Variants in DENND1A observed in about 807,000 individuals in gnomAD.
DENND1A encodes the protein DENN domain-containing protein 1A.
A neutral mutation model predicts 113.7 loss-of-function variants in DENND1A; 51 were observed. The observed-to-expected ratio is 0.45, with a 90% CI of 0.36 to 0.57. The LOEUF (loss-of-function observed/expected upper bound fraction) is 0.57, where lower values mean the gene tolerates loss of function less well. Ranked by LOEUF, DENND1A falls within the 20% of genes least tolerant of loss-of-function variation. The probability of loss-of-function intolerance (pLI) is 0.00; values close to 1 mark genes in which losing one functional copy is unlikely to be tolerated. For missense variants in DENND1A, 1,258 were observed against 1,395.9 expected, an observed-to-expected ratio of 0.90 and a Z score of 1.57; for synonymous variants, 565 against 570.8, an observed-to-expected ratio of 0.99 and a Z score of 0.14.
At chr9:123,703,484 A>C (rs916936064) in intron 5 of DENND1A, among the ~76,000 whole-genome samples, 2 of 152,174 alleles carry the variant, frequency 1.3e-5, no homozygotes, top group Non-Finnish European at 2.9e-5. Context: ...AAAGCAAAAA[A>C]CTATAATAGA....
At chr9:123,614,447 A>C (rs1468036162) in intron 10 of DENND1A, among the ~76,000 whole-genome samples, 2 of 152,230 alleles carry the variant, frequency 1.3e-5, no homozygotes, top group African/African-American at 4.8e-5. Context: ...ACGATCCTGT[A>C]GTCCTTGTTC....
Position 123,477,543 on chromosome 9 carries a change from T to A in DENND1A, c.994-19646A>T, listed in dbSNP as rs62579170. Among the ~76,000 whole-genome samples, 905 of 151,640 alleles carry A rather than the reference T, an allele frequency of 6.0e-3. 3 individuals are homozygous for A. The highest frequency in any genetic ancestry group is 9.9e-3 in the Non-Finnish European group (671 of 67,884). ...CTGCACTCCACCAGCCTGGGTGACG[T>A]AACATGGACACAGTGAGGGGAACAA... On this transcript the variant is annotated intron_variant, in intron 13 of 23. Coordinates refer to ENST00000394215, the MANE Select transcript of DENND1A (RefSeq NM_001352964.2).
intron 18 of DENND1A, among the ~76,000 whole-genome samples, chr9:123,450,185 G>T (rs1348260614): frequency 1.3e-5 from 2 of 152,142 alleles, no homozygotes; most frequent in Non-Finnish European, 1.5e-5. Context: ...GCGCCCACTG[G>T]GTTCTGCTCA....
intron 9 of DENND1A, among the ~76,000 whole-genome samples, chr9:123,650,684 A>T (rs1337316844): frequency 1.3e-5 from 2 of 152,170 alleles, no homozygotes; most frequent in Non-Finnish European, 2.9e-5. Flanking sequence ...AGGTGGGTGG[A>T]TCACTTGAGG....
At chr9:123,610,569 G>A (rs982887069) in intron 10 of DENND1A, among the ~76,000 whole-genome samples, 1 of 152,208 alleles carries the variant, frequency 6.6e-6, no homozygotes, top group Admixed American at 6.5e-5. Flanking sequence ...AGGAGGTCAA[G>A]GGATAGCGAG....
chr9:123,391,005 G>GCTTTGCTAAATCCAACT, intron 21 of DENND1A, among the ~76,000 whole-genome samples: 1 of 152,390 alleles, frequency 6.6e-6, no homozygotes, highest in East Asian at 1.9e-4. Flanking sequence ...TCTGCGCTGG[G>GCTTTGCTAAATCCAACT]CTGTGCCCTG....
chr9:123,814,472 C>T (rs556026064), intron 2 of DENND1A, among the ~76,000 whole-genome samples: 2 of 152,060 alleles, frequency 1.3e-5, no homozygotes, highest in Admixed American at 1.3e-4. Context: ...TACTTAAAAA[C>T]AAACTCAATG....
At chr9:123,742,262 G>C (rs558446447) in intron 5 of DENND1A, among the ~76,000 whole-genome samples, 1 of 151,752 alleles carries the variant, frequency 6.6e-6, no homozygotes, top group Admixed American at 6.6e-5. Flanking sequence ...GCTATGCTTA[G>C]ATTGGAGCTG....
intron 5 of DENND1A, among the ~76,000 whole-genome samples, chr9:123,726,633 T>A (rs1305691584): frequency 2.0e-5 from 3 of 152,222 alleles, no homozygotes; most frequent in East Asian, 1.9e-4. Flanking sequence ...AGTGTGAAAT[T>A]TGCTCCCTGG....
intron 13 of DENND1A, among the ~76,000 whole-genome samples, chr9:123,550,225 A>G (rs1014676820): frequency 6.6e-6 from 1 of 152,258 alleles, no homozygotes; most frequent in Admixed American, 6.5e-5. Context: ...GGATGAACTA[A>G]GCAAGTGGGA....
chr9:123,571,976 T>C (rs966822027), intron 12 of DENND1A, among the ~76,000 whole-genome samples: 2 of 152,240 alleles, frequency 1.3e-5, no homozygotes, highest in Non-Finnish European at 2.9e-5. Context: ...GTGTTGCCAG[T>C]GTTTAAATAA....
At chr9:123,503,437 C>T (rs1233040708) in intron 13 of DENND1A, among the ~76,000 whole-genome samples, 3 of 152,202 alleles carry the variant, frequency 2.0e-5, no homozygotes, top group Non-Finnish European at 2.9e-5. Flanking sequence ...CTTCTGCCTG[C>T]AACCTCTTAA....
rs1291871816 is a variant in DENND1A at position 123,903,355 on chromosome 9, A to G, written c.18-24334T>C. On this transcript the variant is annotated intron_variant, in intron 1 of 23. Coordinates refer to ENST00000394215, the MANE Select transcript of DENND1A (RefSeq NM_001352964.2). ...TCAAAAAAAAAAAAAAAAAAAAAAA[A>G]AAACTGGAAAAAAAGAAGATGGCCG... 3.3e-5 allele frequency among the ~76,000 whole-genome samples: 5 copies of G among 150,234 alleles called. No homozygotes were observed. In the South Asian group the frequency reaches 1.0e-3, roughly 31 times the overall value.
chr9:123,654,143 G>A (rs892693979), intron 8 of DENND1A, among the ~76,000 whole-genome samples: 2 of 152,186 alleles, frequency 1.3e-5, no homozygotes, highest in Admixed American at 6.5e-5. Flanking sequence ...CAGAGCTAAT[G>A]ATGTAAGGGT....
chr9:123,894,969 A>C (rs1005130062), intron 1 of DENND1A, among the ~76,000 whole-genome samples: 4 of 152,148 alleles, frequency 2.6e-5, no homozygotes, highest in Non-Finnish European at 1.5e-5. Context: ...TGCTGAGCAA[A>C]GTACAGAGGT....
chr9:123,736,196 G>A (rs1183898915), intron 5 of DENND1A, among the ~76,000 whole-genome samples: 1 of 152,198 alleles, frequency 6.6e-6, no homozygotes, highest in Admixed American at 6.5e-5. Flanking sequence ...TCAAGTCAGT[G>A]TATGAGAACA....
At chr9:123,438,335 A>C (rs1029975655) in intron 19 of DENND1A, among the ~76,000 whole-genome samples, 1 of 152,208 alleles carries the variant, frequency 6.6e-6, no homozygotes, top group Admixed American at 6.5e-5. Flanking sequence ...CTAATGAAGA[A>C]GGGGCCGGCA....
At chr9:123,877,733 G>C (rs1847715069) in intron 2 of DENND1A, among the ~76,000 whole-genome samples, 2 of 149,332 alleles carry the variant, frequency 1.3e-5, no homozygotes, top group South Asian at 4.2e-4. Flanking sequence ...TGAGGCAGGA[G>C]AACTACTTGA....
At chr9:123,499,437 T>C (rs916733686) in intron 13 of DENND1A, among the ~76,000 whole-genome samples, 3 of 152,200 alleles carry the variant, frequency 2.0e-5, no homozygotes, top group Admixed American at 6.5e-5. Context: ...ACTTAGCAAA[T>C]GGCATATGGT....
Sources: gnomAD v4.1 joint callset for allele counts (sites outside exome capture counted in the v4.1 genomes callset) on GRCh38, gnomAD v4.1.1 for gene constraint, MANE v1.5 for transcripts, NCBI Gene and HGNC (gene_info 2026-07-23, HGNC 2026-07-21) for gene names.